Variants in ACAD11 observed in about 807,000 individuals in gnomAD.
ACAD11 encodes the protein acyl-Coenzyme A dehydrogenase family, member 11.
ACAD11 carries 83 observed loss-of-function variants against 102.2 expected under a neutral mutation model. That is an observed-to-expected ratio of 0.81 (90% CI 0.68 to 0.97). The LOEUF (loss-of-function observed/expected upper bound fraction) is 0.97. Among genes scored for constraint, ACAD11 ranks in the 50% least tolerant of loss-of-function variants. The pLI is 0.00. For missense variants in ACAD11, 901 were observed against 951.7 expected, an observed-to-expected ratio of 0.95 and a Z score of 0.70; for synonymous variants, 324 against 319.8, an observed-to-expected ratio of 1.01 and a Z score of -0.14.
chr3:132,589,295 A>G (rs1937975867), intron 13 of ACAD11, among the ~76,000 whole-genome samples: 2 of 152,204 alleles, frequency 1.3e-5, no homozygotes, highest in Admixed American at 1.3e-4. Flanking sequence ...ACCAACCCAA[A>G]GAACATTAGG....
chr3:132,628,597 G>C (rs1049004088), intron 7 of ACAD11, 151 bp from the exon 8 acceptor site: 6 of 538,216 alleles, frequency 1.1e-5, no homozygotes, highest in African/African-American at 9.7e-5. Flanking sequence ...GTACATGCAG[G>C]GGTAATTACA....
rs943087320 is a variant in ACAD11 at position 132,605,995 on chromosome 3, G to A, written c.1415-790C>T. ...ATAGTACATGATGCACTGCAGTATTGCCCTTGGCTAACAAAGAATTCTTCA... is the reference window on the plus strand; with the variant it reads ...ATAGTACATGATGCACTGCAGTATTACCCTTGGCTAACAAAGAATTCTTCA... On this transcript the variant is annotated intron_variant, in intron 11 of 19. Coordinates refer to ENST00000264990, the MANE Select transcript of ACAD11 (RefSeq NM_032169.5). Among the ~76,000 whole-genome samples the A allele has an allele frequency of 5.3e-5, 8 of 152,284 alleles. No homozygotes were observed. In the East Asian group the frequency reaches 1.5e-3, roughly 29 times the overall value.
intron 13 of ACAD11, among the ~76,000 whole-genome samples, chr3:132,592,020 A>G (rs1938103415): frequency 6.6e-6 from 1 of 152,158 alleles, no homozygotes; most frequent in South Asian, 2.1e-4. Context: ...GTCTTCCTCA[A>G]TCTTATATGG....
chr3:132,628,172 T>C (rs1282369422), intron 8 of ACAD11, among the ~76,000 whole-genome samples, 168 bp downstream of exon 8: 1 of 152,188 alleles, frequency 6.6e-6, no homozygotes, highest in African/African-American at 2.4e-5. Flanking sequence ...ATATTTTAGG[T>C]CAATTTGTTT....
chr3:132,582,229 T>C (rs1008062852), intron 13 of ACAD11, among the ~76,000 whole-genome samples: 2 of 151,868 alleles, frequency 1.3e-5, no homozygotes. Flanking sequence ...ATTGTCATTA[T>C]TCAAATTGGA....
rs1191175861 is a variant in ACAD11 at position 132,558,313 on chromosome 3, A to C, written c.*658T>G. 2.0e-5 allele frequency: 3 copies of C among 152,080 alleles called. No homozygotes were observed. Among genetic ancestry groups the C allele is most frequent in the Non-Finnish European group, 4.4e-5 (3 of 68,012 alleles). 9.4% of individuals were successfully genotyped at this position (152,080 alleles called of 1,614,324 possible). ...CTTCTACGTGGCTTCAGCAATTCTCACAACAAACCCTCAGTGGGTCAGGGT... is the reference window on the plus strand; with the variant it reads ...CTTCTACGTGGCTTCAGCAATTCTCCCAACAAACCCTCAGTGGGTCAGGGT... On this transcript the variant is annotated 3_prime_UTR_variant, in exon 20 of 20. Transcript: ENST00000264990.
intron 13 of ACAD11, among the ~76,000 whole-genome samples, chr3:132,585,337 A>G (rs571422622): frequency 2.0e-5 from 3 of 152,376 alleles, no homozygotes; most frequent in East Asian, 3.9e-4. Flanking sequence ...TTATACAAAA[A>G]TTAATTCAAG....
chr3:132,649,341 T>G (rs1940845392), intron 1 of ACAD11, among the ~76,000 whole-genome samples: 1 of 152,234 alleles, frequency 6.6e-6, no homozygotes, highest in African/African-American at 2.4e-5. Context: ...ATTGTACATT[T>G]GTTTAATTCT....
intron 5 of ACAD11, among the ~76,000 whole-genome samples, chr3:132,635,618 C>T (rs1335080380): frequency 6.6e-6 from 1 of 152,142 alleles, no homozygotes; most frequent in African/African-American, 2.4e-5. Context: ...ATATACACCT[C>T]TTACACAGGG....
chr3:132,583,059 C>A (rs559794562), intron 13 of ACAD11, among the ~76,000 whole-genome samples: 3 of 152,218 alleles, frequency 2.0e-5, no homozygotes, highest in African/African-American at 7.2e-5. Flanking sequence ...ATGATGCTGG[C>A]CTCATAAAAT....
intron 17 of ACAD11, among the ~76,000 whole-genome samples, chr3:132,569,198 A>G (rs1427713978): frequency 5.9e-5 from 9 of 152,210 alleles, no homozygotes; most frequent in African/African-American, 2.2e-4. Context: ...TGAACCAAAG[A>G]GGACATAAGA....
At chr3:132,581,153 G>A (rs1204115948) in intron 13 of ACAD11, among the ~76,000 whole-genome samples, 1 of 151,818 alleles carries the variant, frequency 6.6e-6, no homozygotes, top group East Asian at 1.9e-4. Flanking sequence ...AATAAAACAA[G>A]CCAACTAAAA....
chr3:132,620,024 A>G (rs1228523561), intron 9 of ACAD11, among the ~76,000 whole-genome samples: 2 of 152,320 alleles, frequency 1.3e-5, no homozygotes, highest in East Asian at 3.9e-4. Flanking sequence ...CTAGGTTTTA[A>G]TGGGCCACAT....
intron 17 of ACAD11, among the ~76,000 whole-genome samples, chr3:132,570,249 T>A (rs1302193729): frequency 6.6e-6 from 1 of 151,378 alleles, no homozygotes; most frequent in Non-Finnish European, 1.5e-5. Context: ...CTCTAAGGAG[T>A]TTTTTGGTTT....
intron 13 of ACAD11, 134 bp from the exon 14 acceptor site, chr3:132,579,692 T>A (rs978360656): frequency 6.1e-6 from 4 of 656,598 alleles, no homozygotes; most frequent in East Asian, 2.9e-5. Context: ...TTCATTAAGA[T>A]AATAATTCTT....
chr3:132,586,654 C>A (rs998214134), intron 13 of ACAD11, among the ~76,000 whole-genome samples: 3 of 152,136 alleles, frequency 2.0e-5, no homozygotes, highest in African/African-American at 7.2e-5. Flanking sequence ...CCCTTCTGGG[C>A]ATTTGCTCCA....
intron 16 of ACAD11, 145 bp downstream of exon 16, chr3:132,576,799 C>CA (rs1437484402): frequency 9.4e-6 from 6 of 641,676 alleles, no homozygotes; most frequent in South Asian, 2.1e-5. Flanking sequence ...AATTGCAGTT[C>CA]AAAAACCGCA....
At chr3:132,650,834 A>T (rs760776016) in intron 1 of ACAD11, among the ~76,000 whole-genome samples, 1 of 152,046 alleles carries the variant, frequency 6.6e-6, no homozygotes, top group Non-Finnish European at 1.5e-5. Context: ...TATATCATCA[A>T]TACCAGAAGT....
At chr3:132,650,098 G>A (rs542704246) in intron 1 of ACAD11, 20 of 152,178 alleles carry the variant, frequency 1.3e-4, no homozygotes, top group Non-Finnish European at 2.1e-4. Context: ...CTTGTAAGAA[G>A]TTGCTCAGAT....
Sources: gnomAD v4.1 joint callset for allele counts (sites outside exome capture counted in the v4.1 genomes callset) on GRCh38, gnomAD v4.1.1 for gene constraint, MANE v1.5 for transcripts, NCBI Gene and HGNC (gene_info 2026-07-23, HGNC 2026-07-21) for gene names.